Variants in AP1AR observed in about 807,000 individuals in gnomAD.
AP1AR encodes the protein AP-1 complex-associated regulatory protein.
Under a neutral mutation model 46.3 loss-of-function variants are expected in AP1AR, and 29 were observed. The ratio of observed to expected loss-of-function variants is 0.63; its 90% CI spans 0.47 to 0.85. The LOEUF (loss-of-function observed/expected upper bound fraction) is 0.85, where lower values mean the gene tolerates loss of function less well. AP1AR is among the 40% of genes least tolerant of loss of function. AP1AR has a pLI of 0.00. For synonymous variants in AP1AR, 122 were observed against 122.9 expected (o/e 0.99, Z 0.05); for missense variants, 357 against 356.3 (o/e 1.00, Z -0.02).
At position 112,262,363 on chromosome 4, in the gene AP1AR, A is replaced by G. The variant is rs369260406; in HGVS notation, c.283-625A>G. Among the ~76,000 whole-genome samples, 11 of 152,360 alleles carry G rather than the reference A, an allele frequency of 7.2e-5. No individual in the cohort carries two copies. The East Asian group carries it at 1.7e-3, about 24-fold the overall frequency. On this transcript the variant is annotated intron_variant, in intron 5 of 9. Coordinates refer to ENST00000274000, the MANE Select transcript of AP1AR (RefSeq NM_018569.6). ...GATTTCAAAAGCATTAACGTAAGCT[A>G]TACAGTAGCTGTTAATATTAGTCTA...
rs1027691262 is a variant in AP1AR at position 112,232,170 on chromosome 4, G to A, written c.79G>A (p.Gly27Arg). The A allele has an allele frequency of 1.2e-5, 16 of 1,285,524 alleles. No individual in the cohort carries two copies. Among genetic ancestry groups the A allele is most frequent in the Non-Finnish European group, 1.5e-5 (15 of 1,007,792 alleles). The allele number at this position is 1,285,524 out of a possible 1,614,324, so 79.6% of individuals were successfully genotyped here. The change falls in exon 1 of 10, where the codon GGA becomes AGA. Residue 27 changes from glycine to arginine, a missense_variant. By Grantham distance (125) the Gly-to-Arg change is moderately radical. Coordinates refer to ENST00000274000, the MANE Select transcript of AP1AR (RefSeq NM_018569.6). ...AGRLQRVGGG[G>R]GSKYFRTCSR... ...GCGGCTGCAGCGAGTAGGCGGCGGCGGAGGGTAAGCCCGCTGGGGGAGGGG... is the reference window on the plus strand; with the variant it reads ...GCGGCTGCAGCGAGTAGGCGGCGGCAGAGGGTAAGCCCGCTGGGGGAGGGG...
In AP1AR at chr4:112,272,191, A is replaced by C. The variant is rs1269356318; in HGVS notation, c.*3782A>C. 6.6e-6 allele frequency among the ~76,000 whole-genome samples: 1 copy of C among 152,098 alleles called. No homozygotes were observed. The highest frequency in any genetic ancestry group is 1.5e-5 in the Non-Finnish European group (1 of 68,022). On this transcript the variant is annotated 3_prime_UTR_variant, in exon 10 of 10. Coordinates refer to ENST00000274000, the MANE Select transcript of AP1AR (RefSeq NM_018569.6). ...GCTGGAAGGGGATGTGGAGTTATAG[A>C]AGGGTTTTTATTTAAAAGATACTAG... is the stretch of plus-strand genomic sequence containing the variant.
At chr4:112,265,165 G>A (rs1726648086) in intron 7 of AP1AR, 98 bp downstream of exon 7, 1 of 833,770 alleles carries the variant, frequency 1.2e-6, no homozygotes, top group African/African-American at 1.8e-5. Context: ...ACGCATTCAT[G>A]TTTATGTGTT....
chr4:112,258,785 C>G (rs1459747816), intron 4 of AP1AR, among the ~76,000 whole-genome samples: 2 of 152,116 alleles, frequency 1.3e-5, no homozygotes, highest in Non-Finnish European at 2.9e-5. Flanking sequence ...ACTTTATGAA[C>G]TGAACACTTA....
chr4:112,268,164 A>G lies in AP1AR; in HGVS notation c.664A>G (p.Met222Val), dbSNP rs776329819. The change falls in exon 10 of 10, where the codon ATG (methionine) becomes GTG (valine). Residue 222 changes from methionine (M) to valine (V), a missense_variant. Met to Val is a conservative substitution (Grantham distance 21). Transcript: ENST00000274000. ...DEEGMNRMLP[M>V]RERSKTEEDI... ...CATAGGAATGAATAGAATGCTTCCA[A>G]TGAGAGAACGTTCCAAAACAGAGGA... The G allele has an allele frequency of 2.5e-6, 4 of 1,578,494 alleles. No individual in the cohort carries two copies. Among genetic ancestry groups the G allele is most frequent in the African/African-American group, 1.4e-5 (1 of 73,702 alleles).
intron 9 of AP1AR, among the ~76,000 whole-genome samples, chr4:112,267,786 T>C (rs557480710): frequency 1.3e-5 from 2 of 152,086 alleles, no homozygotes; most frequent in Non-Finnish European, 2.9e-5. Flanking sequence ...AATGAAATTA[T>C]GTGGGTAGGA....
At position 112,253,381 on chromosome 4, in the gene AP1AR, C is replaced by A; in HGVS notation, c.132+125C>A. ...GGACTGTTTATATTTCAATATTATT[C>A]ATGTTAGTGAAGATTGAAAGAGTTG... On this transcript the variant is annotated intron_variant, in intron 2 of 9. Transcript: ENST00000274000. 3 of 702,866 alleles carry A rather than the reference C, an allele frequency of 4.3e-6. No individual in the cohort carries two copies. The South Asian group carries it at 5.1e-5, about 12-fold the overall frequency. 43.5% of individuals were successfully genotyped at this position (702,866 alleles called of 1,614,324 possible).
chr4:112,235,948 A>G (rs994144996), intron 1 of AP1AR, among the ~76,000 whole-genome samples: 4 of 151,874 alleles, frequency 2.6e-5, no homozygotes, highest in Non-Finnish European at 5.9e-5. Context: ...TCTCCTAGCT[A>G]TTCTTACTCT....
rs77675152 is a variant in AP1AR at position 112,234,621 on chromosome 4, A to G, written c.83+2447A>G. Reference sequence around the variant, plus strand: ...AGTAAGCATGTAGAGACAGATGGATATAGTTACTTGTGCAATAAGGTTAAA... The same window carrying G: ...AGTAAGCATGTAGAGACAGATGGATGTAGTTACTTGTGCAATAAGGTTAAA... On this transcript the variant is annotated intron_variant, in intron 1 of 9. Coordinates refer to ENST00000274000, the MANE Select transcript of AP1AR (RefSeq NM_018569.6). Among the ~76,000 whole-genome samples, 1,021 of 151,204 alleles carry G rather than the reference A, an allele frequency of 6.8e-3. 4 individuals carry two copies. The highest frequency in any genetic ancestry group is 0.01 in the Non-Finnish European group (705 of 67,876).
chr4:112,271,607 T>A lies in AP1AR; in HGVS notation c.*3198T>A, dbSNP rs1048522470. On this transcript the variant is annotated 3_prime_UTR_variant, in exon 10 of 10. Coordinates refer to ENST00000274000, the MANE Select transcript of AP1AR (RefSeq NM_018569.6). ...TATAGATGTCTGACAGCCAGCCTAG[T>A]AGCTGCAAGTGCCCTTAACTATAAC... 3.3e-5 allele frequency among the ~76,000 whole-genome samples: 5 copies of A among 152,358 alleles called. No homozygotes were observed. The highest frequency in any genetic ancestry group is 9.6e-5 in the African/African-American group (4 of 41,592).
intron 1 of AP1AR, among the ~76,000 whole-genome samples, chr4:112,245,745 C>T (rs1334093089): frequency 2.0e-5 from 3 of 152,268 alleles, no homozygotes; most frequent in African/African-American, 7.2e-5. Context: ...ATGCAAGCCT[C>T]TCTTTGCTCT....
intron 1 of AP1AR, among the ~76,000 whole-genome samples, chr4:112,248,226 G>T (rs1725803458): frequency 1.3e-5 from 2 of 152,148 alleles, no homozygotes; most frequent in African/African-American, 4.8e-5. Flanking sequence ...ACAGACACTG[G>T]TGCTGGGAAG....
rs1044067882 is a variant in AP1AR at position 112,232,107 on chromosome 4, T to C, written c.16T>C (p.Trp6Arg). The change falls in exon 1 of 10, where the codon TGG (tryptophan) becomes CGG (arginine). Residue 6 changes from tryptophan (W) to arginine (R), a missense_variant. Physicochemically the swap from Trp to Arg is moderately radical, Grantham distance 101 (BLOSUM62 -3). Coordinates refer to ENST00000274000, the MANE Select transcript of AP1AR (RefSeq NM_018569.6). The part of the protein sequence containing the change: MGNCC[W>R]TQCFGLLRKE... ...GCGGCATGCGATGGGGAACTGCTGC[T>C]GGACGCAGTGCTTCGGACTGCTTCG... The C allele has an allele frequency of 2.2e-6, 3 of 1,338,244 alleles. No individual in the cohort carries two copies. The highest frequency in any genetic ancestry group is 2.9e-6 in the Non-Finnish European group (3 of 1,036,814). 82.9% of individuals were successfully genotyped at this position (1,338,244 alleles called of 1,614,324 possible). A position where few individuals can be genotyped will look rare whatever the true frequency, so the allele number is the denominator to read the frequency against.
At chr4:112,265,169 A>G in intron 7 of AP1AR, 102 bp downstream of exon 7, 2 of 804,734 alleles carry the variant, frequency 2.5e-6, no homozygotes, top group South Asian at 2.7e-5. Context: ...ATTCATGTTT[A>G]TGTGTTCCCT....
At chr4:112,248,110 G>A (rs1262298299) in intron 1 of AP1AR, among the ~76,000 whole-genome samples, 2 of 152,134 alleles carry the variant, frequency 1.3e-5, no homozygotes, top group African/African-American at 2.4e-5. Flanking sequence ...GGGGATAGAA[G>A]AAAAAGTTAA....
intron 1 of AP1AR, among the ~76,000 whole-genome samples, chr4:112,237,039 C>T (rs1335581105): frequency 2.6e-5 from 4 of 152,258 alleles, no homozygotes; most frequent in Non-Finnish European, 5.9e-5. Flanking sequence ...CCCATCCTCT[C>T]TCTTACCACT....
chr4:112,253,559 C>A (rs1726053694), intron 2 of AP1AR, among the ~76,000 whole-genome samples: 1 of 152,178 alleles, frequency 6.6e-6, no homozygotes, highest in Admixed American at 6.5e-5. Context: ...GGTGGTTGGC[C>A]TGCCCCAGCA....
At chr4:112,233,398 G>A (rs574477939) in intron 1 of AP1AR, among the ~76,000 whole-genome samples, 15 of 152,314 alleles carry the variant, frequency 9.8e-5, no homozygotes, top group Non-Finnish European at 5.9e-5. Context: ...TATTACTCTT[G>A]AGTGGGACAT....
At chr4:112,238,643 T>G (rs1560601340) in intron 1 of AP1AR, among the ~76,000 whole-genome samples, 1 of 152,202 alleles carries the variant, frequency 6.6e-6, no homozygotes, top group Non-Finnish European at 1.5e-5. Context: ...TGTTAAACCT[T>G]AAAGACTCCT....
Sources: gnomAD v4.1 joint callset for allele counts (sites outside exome capture counted in the v4.1 genomes callset) on GRCh38, gnomAD v4.1.1 for gene constraint, MANE v1.5 for transcripts, NCBI Gene and HGNC (gene_info 2026-07-23, HGNC 2026-07-21) for gene names.